Variants in MIA2 observed in about 807,000 individuals in gnomAD.
MIA2 encodes MIA SH3 domain ER export factor 2.
A neutral mutation model predicts 167.8 loss-of-function variants in MIA2; 127 were observed. That is an observed-to-expected ratio of 0.76 (90% CI 0.66 to 0.88). MIA2 has a LOEUF of 0.88. Among genes scored for constraint, MIA2 ranks in the 40% least tolerant of loss-of-function variants. MIA2 has a pLI of 0.00. For missense variants in MIA2, 1,690 were observed against 1,624.7 expected, an observed-to-expected ratio of 1.04 and a Z score of -0.69; for synonymous variants, 552 against 541.9, an observed-to-expected ratio of 1.02 and a Z score of -0.26.
chr14:39,321,864 G>A (rs2066506434), intron 24 of MIA2, among the ~76,000 whole-genome samples: 1 of 150,026 alleles, frequency 6.7e-6, no homozygotes, highest in Non-Finnish European at 1.5e-5. Context: ...AGGTAGCTTG[G>A]ATTCTCCTGC....
intron 6 of MIA2, among the ~76,000 whole-genome samples, chr14:39,254,355 A>T (rs2054720438): frequency 6.6e-6 from 1 of 152,136 alleles, no homozygotes; most frequent in South Asian, 2.1e-4. Flanking sequence ...AGGGAGTTCA[A>T]CTCTATCTTG....
At chr14:39,238,600 G>A (rs182113396) in intron 2 of MIA2, among the ~76,000 whole-genome samples, 32 of 152,044 alleles carry the variant, frequency 2.1e-4, no homozygotes, top group Non-Finnish European at 3.8e-4. Context: ...TTTGAGACCA[G>A]CTTGGACAAC....
Position 39,350,552 on chromosome 14 carries a change from C to G in MIA2, c.*288C>G. 1 of 273,722 alleles carries G rather than the reference C, an allele frequency of 3.7e-6. No individual in the cohort carries two copies. The highest frequency in any genetic ancestry group is 6.7e-5 in the East Asian group (1 of 15,002). The allele number at this position is 273,722 out of a possible 1,614,324, so 17.0% of individuals were successfully genotyped here. ...CTTTCAGGTGGGGAGGCTTTAAATT[C>G]TGAAGTCTGTGTCTTTATGCCAAGA... On this transcript the variant is annotated 3_prime_UTR_variant, in exon 29 of 29. Coordinates refer to ENST00000640607, the MANE Select transcript of MIA2 (RefSeq NM_001329214.4).
intron 6 of MIA2, among the ~76,000 whole-genome samples, chr14:39,259,879 C>T (rs1475782645): frequency 3.3e-5 from 5 of 151,946 alleles, no homozygotes; most frequent in Non-Finnish European, 7.4e-5. Flanking sequence ...ACATGACAGG[C>T]CCCGGTGTGT....
intron 4 of MIA2, among the ~76,000 whole-genome samples, chr14:39,249,745 G>A (rs1468535206): frequency 6.6e-6 from 1 of 151,916 alleles, no homozygotes; most frequent in Non-Finnish European, 1.5e-5. Flanking sequence ...ACTCTATGAT[G>A]GACAGAATAT....
intron 23 of MIA2, chr14:39,385,759 G>A: frequency 1.1e-6 from 1 of 878,818 alleles, no homozygotes; most frequent in Non-Finnish European, 2.0e-6. Context: ...AATAGTAGAT[G>A]AATTTGTTAC....
chr14:39,378,541 A>G (rs1164660609), intron 23 of MIA2, among the ~76,000 whole-genome samples: 1 of 152,240 alleles, frequency 6.6e-6, no homozygotes, highest in East Asian at 1.9e-4. Context: ...CAAAAGTCTT[A>G]GAACAGCCAT....
intron 18 of MIA2, among the ~76,000 whole-genome samples, chr14:39,312,823 GA>G (rs1351620984): frequency 6.6e-6 from 1 of 151,904 alleles, no homozygotes; most frequent in Non-Finnish European, 1.5e-5. Context: ...ATTATTAATA[GA>G]ATTAGATGTA....
At chr14:39,278,998 TA>T (rs1266053869) in intron 7 of MIA2, among the ~76,000 whole-genome samples, 2 of 151,884 alleles carry the variant, frequency 1.3e-5, no homozygotes, top group African/African-American at 4.8e-5. Context: ...CGGTCTCTAC[TA>T]AAAATATGAA....
intron 13 of MIA2, among the ~76,000 whole-genome samples, chr14:39,297,747 G>C (rs183796737): frequency 4.5e-4 from 69 of 151,712 alleles, no homozygotes; most frequent in Admixed American, 4.5e-3. Flanking sequence ...GAGAGAATGA[G>C]AATAAGAATG....
intron 19 of MIA2, among the ~76,000 whole-genome samples, chr14:39,314,376 A>G (rs1167641578): frequency 2.9e-5 from 3 of 104,638 alleles, no homozygotes; most frequent in African/African-American, 9.9e-5. Flanking sequence ...AACAAGAGCG[A>G]CACTCTGTTT....
chr14:39,260,609 C>A (rs971642161), intron 6 of MIA2, among the ~76,000 whole-genome samples: 18 of 152,244 alleles, frequency 1.2e-4, no homozygotes, highest in Non-Finnish European at 8.8e-5. Flanking sequence ...GGAAATTAGA[C>A]CTTTGTCAGA....
intron 6 of MIA2, 54 bp from the exon 7 acceptor site, chr14:39,276,880 C>A: frequency 6.3e-7 from 1 of 1,588,954 alleles, no homozygotes; most frequent in Non-Finnish European, 8.6e-7. Context: ...TGTTTGTAAT[C>A]AATATTTTTA....
intron 23 of MIA2, among the ~76,000 whole-genome samples, chr14:39,363,871 A>G (rs1184714532): frequency 6.6e-6 from 1 of 152,048 alleles, no homozygotes; most frequent in Non-Finnish European, 1.5e-5. Flanking sequence ...TCTTTTTTCA[A>G]CTTAAAAAGC....
chr14:39,303,614 T>A, intron 16 of MIA2, 90 bp downstream of exon 16: 2 of 851,432 alleles, frequency 2.3e-6, no homozygotes, highest in South Asian at 3.5e-5. Flanking sequence ...AAAGTCCATT[T>A]TATTGTTCCC....
rs1031540696 is a variant in MIA2, at chr14:39,348,754, G to A, written c.3849G>A (p.Val1283=). ...TCAATTTGTTGTAGAATTTAAATGT[G>A]CCTGATTCATCTCTCCCTGCTGAAA... is the stretch of plus-strand genomic sequence containing the variant. ...DTKDDLGNLN[V]PDSSLPAENE... The change falls in exon 28 of 29, where the codon GTG becomes GTA. Residue 1283 remains valine (V), a synonymous_variant. Coordinates refer to ENST00000640607, the MANE Select transcript of MIA2 (RefSeq NM_001329214.4). The A allele has an allele frequency of 4.0e-5, 65 of 1,613,750 alleles. No homozygotes were observed. Among genetic ancestry groups the A allele is most frequent in the Non-Finnish European group, 5.0e-5 (59 of 1,179,802 alleles).
At chr14:39,359,188 G>C (rs1306557842) in intron 23 of MIA2, among the ~76,000 whole-genome samples, 1 of 152,216 alleles carries the variant, frequency 6.6e-6, no homozygotes, top group Admixed American at 6.5e-5. Flanking sequence ...CTTGAGCTGT[G>C]ATGTGCTCCA....
chr14:39,303,984 G>T (rs183011127), intron 16 of MIA2, among the ~76,000 whole-genome samples: 1 of 151,944 alleles, frequency 6.6e-6, no homozygotes, highest in Admixed American at 6.6e-5. Flanking sequence ...TAGTTTGAAG[G>T]CTGCTTTAAT....
intron 1 of MIA2, 120 bp from the exon 2 acceptor site, chr14:39,236,802 A>G: frequency 1.0e-6 from 1 of 974,042 alleles, no homozygotes; most frequent in Non-Finnish European, 1.5e-6. Context: ...GAGGCCATAA[A>G]TGATATAAAG....
Sources: gnomAD v4.1 joint callset for allele counts (sites outside exome capture counted in the v4.1 genomes callset) on GRCh38, gnomAD v4.1.1 for gene constraint, MANE v1.5 for transcripts, NCBI Gene and HGNC (gene_info 2026-07-23, HGNC 2026-07-21) for gene names.